SLC4A7: variants seen among roughly 807,000 people sequenced by gnomAD.
SLC4A7 encodes sodium bicarbonate cotransporter 3.
In SLC4A7, 51 loss-of-function variants were observed where a neutral mutation model predicts 137.6. The ratio of observed to expected loss-of-function variants is 0.37; its 90% confidence interval spans 0.30 to 0.47. The LOEUF is 0.47. Ranked by LOEUF, SLC4A7 falls within the 20% of genes least tolerant of loss-of-function variation. SLC4A7 has a pLI of 1.00. For missense variants in SLC4A7, 1,247 were observed against 1,525.4 expected, an observed-to-expected ratio of 0.82 and a Z score of 3.04; for synonymous variants, 542 against 518.6, an observed-to-expected ratio of 1.05 and a Z score of -0.61.
In SLC4A7 at chr3:27,409,349, T is replaced by C. The variant is rs945785839; in HGVS notation, c.1941+7A>G. The C allele has an allele frequency of 6.3e-7, 1 of 1,597,020 alleles. No homozygotes were observed. Among genetic ancestry groups the C allele is most frequent in the Admixed American group, 1.8e-5 (1 of 55,894 alleles). ...AAAGCCTGGCCACTACCAATCTTTG[T>C]ACTCACTATTCTGCCTTCTGTAGCT... On this transcript the variant is annotated splice_region_variant and intron_variant, in intron 13 of 25. Coordinates refer to ENST00000454389, the MANE Select transcript of SLC4A7 (RefSeq NM_001321103.2).
intron 25 of SLC4A7, among the ~76,000 whole-genome samples, chr3:27,377,857 C>T (rs1326993695): frequency 6.6e-6 from 1 of 152,062 alleles, no homozygotes; most frequent in Non-Finnish European, 1.5e-5. Flanking sequence ...AAGAATAGAC[C>T]CCAATCCCCA....
chr3:27,450,083 G>A (rs947481260), intron 2 of SLC4A7, among the ~76,000 whole-genome samples: 6 of 152,240 alleles, frequency 3.9e-5, no homozygotes, highest in Admixed American at 2.0e-4. Flanking sequence ...CATGTTCCCA[G>A]GTAAGGCTTA....
chr3:27,459,373 ATGG>A (rs2058573611), intron 1 of SLC4A7, among the ~76,000 whole-genome samples: 1 of 152,142 alleles, frequency 6.6e-6, no homozygotes. Context: ...TATAGGTGAA[ATGG>A]TGAAGTTAGT....
chr3:27,397,545 T>C (rs1249338865), intron 18 of SLC4A7, 139 bp downstream of exon 18: 1 of 603,328 alleles, frequency 1.7e-6, no homozygotes, highest in Non-Finnish European at 2.9e-6. Flanking sequence ...AAAACACATA[T>C]AAATTATTTC....
chr3:27,434,823 T>C (rs1030525365), intron 5 of SLC4A7, among the ~76,000 whole-genome samples: 2 of 152,092 alleles, frequency 1.3e-5, no homozygotes, highest in African/African-American at 4.8e-5. Context: ...CAAAACTACA[T>C]GGTTACTCTA....
rs779906681 is a variant in SLC4A7, at chr3:27,411,643, G to A, written c.1765C>T (p.Arg589Trp). The A allele has an allele frequency of 1.2e-5, 18 of 1,516,298 alleles. No individual in the cohort carries two copies. The highest frequency in any genetic ancestry group is 3.9e-5 in the South Asian group (3 of 77,494). The allele number at this position is 1,516,298 out of a possible 1,614,324, so 93.9% of individuals were successfully genotyped here. The change falls in exon 12 of 26, where the codon CGG becomes TGG. Residue 589 changes from arginine (R) to tryptophan (W), a missense_variant and splice_region_variant. This residue lies in a region of SLC4A7 where 499 missense variants were observed against 664.2 expected (regional missense o/e 0.75). Coordinates refer to ENST00000454389, the MANE Select transcript of SLC4A7 (RefSeq NM_001321103.2). ...HAGPELQRTG[R>W]LFGGLILDIK... Reference sequence around the variant, plus strand: ...CAAAATATCAGTATTTGCACCCACCGTCCAGTCCTCTGTAGCTCAGGCCCA... The same window carrying A: ...CAAAATATCAGTATTTGCACCCACCATCCAGTCCTCTGTAGCTCAGGCCCA...
At chr3:27,394,375 C>G in intron 20 of SLC4A7, 143 bp downstream of exon 20, 1 of 739,178 alleles carries the variant, frequency 1.4e-6, no homozygotes, top group Middle Eastern at 3.9e-4. Flanking sequence ...ATACTAAAAA[C>G]CTAATGAAAT....
chr3:27,388,536 C>T (rs2051207013), intron 22 of SLC4A7, among the ~76,000 whole-genome samples: 1 of 152,158 alleles, frequency 6.6e-6, no homozygotes, highest in South Asian at 2.1e-4. Context: ...GGGCTATACA[C>T]AAATTTTATA....
intron 3 of SLC4A7, among the ~76,000 whole-genome samples, chr3:27,441,058 A>G (rs2057155135): frequency 1.3e-5 from 2 of 152,168 alleles, no homozygotes; most frequent in South Asian, 4.1e-4. Flanking sequence ...AAAAATATAT[A>G]ACAAAAAAAA....
intron 3 of SLC4A7, among the ~76,000 whole-genome samples, chr3:27,442,441 CTTTTT>C (rs68093589): frequency 7.4e-6 from 1 of 136,050 alleles, no homozygotes; most frequent in Non-Finnish European, 1.6e-5. Context: ...AGCTCATTTT[CTTTTT>C]TTTTTTTTTT....
intron 4 of SLC4A7, 77 bp from the exon 5 acceptor site, chr3:27,436,625 T>C: frequency 1.1e-6 from 1 of 920,162 alleles, no homozygotes; most frequent in Non-Finnish European, 1.5e-6. Context: ...TAAAGAAACA[T>C]TTGTTCTTTA....
chr3:27,453,262 A>C (rs970882809), intron 1 of SLC4A7, among the ~76,000 whole-genome samples: 5 of 152,172 alleles, frequency 3.3e-5, no homozygotes, highest in Admixed American at 6.6e-5. Context: ...CTTATTATTA[A>C]CTTATTATAC....
chr3:27,474,580 G>A (rs528111206), intron 1 of SLC4A7, among the ~76,000 whole-genome samples: 9 of 151,812 alleles, frequency 5.9e-5, no homozygotes, highest in East Asian at 5.9e-4. Context: ...GCATGGTGGC[G>A]GGCACCTGTA....
In SLC4A7 at chr3:27,456,711, T is replaced by C. The variant is rs750388866; in HGVS notation, c.61-4213A>G. 14 of 1,610,422 alleles carry C rather than the reference T, an allele frequency of 8.7e-6. No homozygotes were observed. In the East Asian group the frequency reaches 2.5e-4, roughly 28 times the overall value. On this transcript the variant is annotated intron_variant, in intron 1 of 25. Coordinates refer to ENST00000454389, the MANE Select transcript of SLC4A7 (RefSeq NM_001321103.2). ...TAATATAGAAATGCCTTGTTTCTGA[T>C]GATGTAATGCAGTAACTCCCTTGAA... is the stretch of plus-strand genomic sequence containing the variant.
chr3:27,418,893 C>A (rs1000722259), intron 10 of SLC4A7, among the ~76,000 whole-genome samples: 1 of 152,026 alleles, frequency 6.6e-6, no homozygotes, highest in African/African-American at 2.4e-5. Context: ...TAAAATTTTG[C>A]CTGGGAAATA....
At chr3:27,415,709 G>A (rs1173129512) in intron 11 of SLC4A7, among the ~76,000 whole-genome samples, 2 of 152,068 alleles carry the variant, frequency 1.3e-5, no homozygotes, top group African/African-American at 2.4e-5. Context: ...TAAATTATCC[G>A]ATCCTTCGCT....
At position 27,375,050 on chromosome 3, in the gene SLC4A7, C is replaced by T. The variant is rs2049808454; in HGVS notation, c.*1714G>A. 1 of 152,048 alleles carries T rather than the reference C, an allele frequency of 6.6e-6. No homozygotes were observed. The highest frequency in any genetic ancestry group is 1.5e-5 in the Non-Finnish European group (1 of 67,894). The allele number at this position is 152,048 out of a possible 1,614,324, so 9.4% of individuals were successfully genotyped here. ...AAAAGCAGCTACATTTCCAACCTCT[C>T]ATCCGAGGCAGAAGTTGAATCCATC... On this transcript the variant is annotated 3_prime_UTR_variant, in exon 26 of 26. Transcript: ENST00000454389.
chr3:27,443,095 G>C (rs1342508784), intron 3 of SLC4A7, among the ~76,000 whole-genome samples: 1 of 140,656 alleles, frequency 7.1e-6, no homozygotes, highest in Admixed American at 7.5e-5. Flanking sequence ...GCAGTGGTGA[G>C]ATCTCAGCTC....
At chr3:27,456,815 G>A in intron 1 of SLC4A7, 4 of 1,446,538 alleles carry the variant, frequency 2.8e-6, no homozygotes, top group Non-Finnish European at 3.6e-6. Flanking sequence ...TTACTTTTAT[G>A]GTACAGCCAA....
Sources: gnomAD v4.1 joint callset for allele counts (sites outside exome capture counted in the v4.1 genomes callset) on GRCh38, gnomAD v4.1.1 for gene constraint, gnomAD v4.1.1 regional missense constraint, MANE v1.5 for transcripts, NCBI Gene and HGNC (gene_info 2026-07-23, HGNC 2026-07-21) for gene names.